Variants in ACTN1 observed in about 807,000 individuals in gnomAD.
ACTN1 encodes alpha-actinin-1.
ACTN1 carries 30 observed loss-of-function variants against 119.6 expected under a neutral mutation model. The observed-to-expected ratio is 0.25, with a 90% CI of 0.19 to 0.34. The LOEUF (loss-of-function observed/expected upper bound fraction) is 0.34, where lower values mean the gene tolerates loss of function less well. Ranked by LOEUF, ACTN1 falls within the 10% of genes least tolerant of loss-of-function variation. The probability of loss-of-function intolerance (pLI) is 1.00; values close to 1 mark genes in which losing one functional copy is unlikely to be tolerated. For missense variants in ACTN1, 764 were observed against 1,223.4 expected (o/e 0.62, Z 5.60); for synonymous variants, 429 against 472.6 (o/e 0.91, Z 1.20).
At position 68,909,945 on chromosome 14, in the gene ACTN1, C is replaced by T; in HGVS notation, c.515+10G>A. 4 of 1,613,022 alleles carry T rather than the reference C, an allele frequency of 2.5e-6. No individual in the cohort carries two copies. Among genetic ancestry groups the T allele is most frequent in the South Asian group, 1.1e-5 (1 of 91,018 alleles). ...GGTTCTGTGAGAGCCCCTCAGACCC[C>T]AGCACTCACCTTATGTGGAAGTTCT... is the stretch of plus-strand genomic sequence containing the variant. On this transcript the variant is annotated intron_variant, in intron 5 of 21. Transcript: ENST00000394419. The surrounding 1 kb of genome is among the most constrained non-coding windows in gnomAD (Gnocchi z 4.1).
Position 68,874,777 on chromosome 14 carries a change from C to T in ACTN1, c.*82G>A. ...CCGGGTGGAGGCTGGGAGCTGAAACCGAACCCAGGCAGGAGATGGGCGACG... is the reference window on the plus strand; with the variant it reads ...CCGGGTGGAGGCTGGGAGCTGAAACTGAACCCAGGCAGGAGATGGGCGACG... On this transcript the variant is annotated 3_prime_UTR_variant, in exon 22 of 22. Transcript: ENST00000394419. 1 of 1,388,028 alleles carries T rather than the reference C, an allele frequency of 7.2e-7. No homozygotes were observed. Among genetic ancestry groups the T allele is most frequent in the Non-Finnish European group, 9.4e-7 (1 of 1,059,970 alleles). 86.0% of individuals were successfully genotyped at this position (1,388,028 alleles called of 1,614,324 possible).
intron 1 of ACTN1, among the ~76,000 whole-genome samples, chr14:68,973,630 A>G (rs2036965806): frequency 6.6e-6 from 1 of 152,176 alleles, no homozygotes; most frequent in African/African-American, 2.4e-5. Context: ...GTCATGCATG[A>G]AGAGGGAGGA....
At chr14:68,929,916 G>A (rs887204591) in intron 1 of ACTN1, among the ~76,000 whole-genome samples, 1 of 152,214 alleles carries the variant, frequency 6.6e-6, no homozygotes, top group Admixed American at 6.5e-5. Flanking sequence ...TTGCAAAGAG[G>A]GACCTGGCCA....
rs532743673 is a variant in ACTN1, at chr14:68,880,330, G to A, written c.2134-222C>T. 6.6e-6 allele frequency among the ~76,000 whole-genome samples: 1 copy of A among 152,192 alleles called. No homozygotes were observed. Among genetic ancestry groups the A allele is most frequent in the Non-Finnish European group, 1.5e-5 (1 of 68,028 alleles). On this transcript the variant is annotated intron_variant, in intron 17 of 21. Coordinates refer to ENST00000394419, the MANE Select transcript of ACTN1 (RefSeq NM_001130004.2). The surrounding 1 kb of genome is among the most constrained non-coding windows in gnomAD (Gnocchi z 4.6). ...GCAGGGTGGCAGCCTCTGCCTGGGAGAGCAAAGAAACCAGGACTTGCCAAT... is the reference window on the plus strand; with the variant it reads ...GCAGGGTGGCAGCCTCTGCCTGGGAAAGCAAAGAAACCAGGACTTGCCAAT...
intron 16 of ACTN1, 109 bp from the exon 17 acceptor site, chr14:68,881,098 C>A: frequency 1.9e-6 from 2 of 1,059,068 alleles, no homozygotes; most frequent in Non-Finnish European, 2.7e-6. Context: ...ATTCTCAGTT[C>A]CCATCCCAGC....
In ACTN1 at chr14:68,925,733, A is replaced by G. The variant is rs1339474286; in HGVS notation, c.106-61T>C. On this transcript the variant is annotated intron_variant, in intron 1 of 21. Coordinates refer to ENST00000394419, the MANE Select transcript of ACTN1 (RefSeq NM_001130004.2). The surrounding 1 kb of genome is among the most constrained non-coding windows in gnomAD (Gnocchi z 4.3). ...CTGGTGTTGTCACCCTCATTGGACA[A>G]GCCATTTAATGGTGCCAGGGGGTGG... is the stretch of plus-strand genomic sequence containing the variant. 7.1e-7 allele frequency: 1 copy of G among 1,403,032 alleles called. No individual in the cohort carries two copies. Among genetic ancestry groups the G allele is most frequent in the Non-Finnish European group, 1.0e-6 (1 of 1,003,928 alleles). 86.9% of individuals were successfully genotyped at this position (1,403,032 alleles called of 1,614,324 possible). A position where few individuals can be genotyped will look rare whatever the true frequency, so the allele number is the denominator to read the frequency against.
chr14:68,959,729 G>A (rs2036463673), intron 1 of ACTN1, among the ~76,000 whole-genome samples: 1 of 152,160 alleles, frequency 6.6e-6, no homozygotes, highest in Non-Finnish European at 1.5e-5. Context: ...AACGAAATGG[G>A]GAAATGTTGG....
chr14:68,901,207 GT>G (rs60666140), intron 8 of ACTN1, among the ~76,000 whole-genome samples: 18,312 of 136,064 alleles, frequency 0.13, 1,397 homozygotes, highest in African/African-American at 0.19. Flanking sequence ...TTGTTTTATG[GT>G]TTTTTTTTGT....
At chr14:68,900,072 G>A (rs1355563556) in intron 8 of ACTN1, among the ~76,000 whole-genome samples, 2 of 152,212 alleles carry the variant, frequency 1.3e-5, no homozygotes, top group Admixed American at 6.5e-5. Flanking sequence ...CTCCAGACGG[G>A]GCTGGTCTCC....
intron 13 of ACTN1, 31 bp downstream of exon 13, chr14:68,884,744 T>G: frequency 6.4e-7 from 1 of 1,561,334 alleles, no homozygotes; most frequent in African/African-American, 1.4e-5. Flanking sequence ...CTGCCGGATA[T>G]GGGCCTAGAT....
chr14:68,911,011 G>A (rs533345126), intron 4 of ACTN1, among the ~76,000 whole-genome samples: 10 of 152,248 alleles, frequency 6.6e-5, no homozygotes, highest in South Asian at 2.1e-4. Context: ...TACCAGCAGC[G>A]TGAAAACGGA....
chr14:68,967,529 C>G (rs1008860762), intron 1 of ACTN1, among the ~76,000 whole-genome samples: 2 of 152,188 alleles, frequency 1.3e-5, no homozygotes, highest in African/African-American at 2.4e-5. Flanking sequence ...AGTTACAGAT[C>G]AGTGACATCC....
chr14:68,904,743 G>A lies in ACTN1; in HGVS notation c.595-7C>T. The A allele has an allele frequency of 6.2e-7, 1 of 1,609,924 alleles. No individual in the cohort carries two copies. Among genetic ancestry groups the A allele is most frequent in the South Asian group, 1.1e-5 (1 of 90,906 alleles). On this transcript the variant is annotated splice_region_variant and splice_polypyrimidine_tract_variant and intron_variant, in intron 6 of 21. Coordinates refer to ENST00000394419, the MANE Select transcript of ACTN1 (RefSeq NM_001130004.2). ...GATTTGTGAGTGGATCATCCTAGAG[G>A]GAGAAAAGGAGGAAGGGATGATAAA...
At chr14:68,959,387 G>A (rs1338649043) in intron 1 of ACTN1, among the ~76,000 whole-genome samples, 1 of 152,192 alleles carries the variant, frequency 6.6e-6, no homozygotes, top group Non-Finnish European at 1.5e-5. Flanking sequence ...AACTAATACT[G>A]ACAGCACTGT....
chr14:68,972,196 A>G (rs938416989), intron 1 of ACTN1, among the ~76,000 whole-genome samples: 67 of 152,158 alleles, frequency 4.4e-4, no homozygotes, highest in African/African-American at 1.6e-3. Context: ...TTGCCTGTGC[A>G]TATCTATGAT....
chr14:68,946,602 G>A (rs147600912), intron 1 of ACTN1, among the ~76,000 whole-genome samples: 188 of 152,250 alleles, frequency 1.2e-3, no homozygotes, highest in Non-Finnish European at 2.3e-3. Context: ...GCCTAAGACC[G>A]CGCCTACGCT....
chr14:68,978,871 A>G, intron 1 of ACTN1, 81 bp downstream of exon 1: 1 of 981,008 alleles, frequency 1.0e-6, no homozygotes, highest in African/African-American at 1.7e-5. Context: ...CAGAGCCCGG[A>G]GCCGAGAGCC....
chr14:68,880,175 A>G lies in ACTN1; in HGVS notation c.2134-67T>C. 6.4e-7 allele frequency: 1 copy of G among 1,567,384 alleles called. No individual in the cohort carries two copies. On this transcript the variant is annotated intron_variant, in intron 17 of 21. Coordinates refer to ENST00000394419, the MANE Select transcript of ACTN1 (RefSeq NM_001130004.2). This position sits in a 1 kb window ranked among gnomAD's most constrained non-coding sequence, Gnocchi z 4.6. ...CCTGGGCTCCTGGCGGCCCCTGCCC[A>G]TCCTACTCCCCAACCATCAAAATGG...
intron 1 of ACTN1, chr14:68,978,199 T>C: frequency 2.2e-6 from 1 of 455,946 alleles, no homozygotes; most frequent in Middle Eastern, 3.3e-4. Context: ...GCCCCTCAAC[T>C]CGAACCGAGC....
Sources: gnomAD v4.1 joint callset for allele counts (sites outside exome capture counted in the v4.1 genomes callset) on GRCh38, gnomAD v4.1.1 for gene constraint, Gnocchi (gnomAD v3.1) non-coding constraint, MANE v1.5 for transcripts, NCBI Gene and HGNC (gene_info 2026-07-23, HGNC 2026-07-21) for gene names.